GPR39: variants seen among roughly 807,000 people sequenced by gnomAD.
GPR39 encodes zinc sensing receptor.
Under a neutral mutation model 18.4 loss-of-function variants are expected in GPR39, and 23 were observed. The observed-to-expected ratio is 1.25, with a 90% CI of 0.90 to 1.77. GPR39 has a LOEUF of 1.77. Among genes scored for constraint, GPR39 ranks in the 40% most tolerant of loss-of-function variants. GPR39 has a pLI of 0.00. For synonymous variants in GPR39, 280 were observed against 257.9 expected, an observed-to-expected ratio of 1.09 and a Z score of -0.82; for missense variants, 647 against 602.4, an observed-to-expected ratio of 1.07 and a Z score of -0.78.
intron 1 of GPR39, among the ~76,000 whole-genome samples, chr2:132,460,170 C>T (rs1487165845): frequency 6.6e-6 from 1 of 152,140 alleles, no homozygotes; most frequent in Non-Finnish European, 1.5e-5. Flanking sequence ...ACCCTTGCTC[C>T]CAGACTCCTA....
At chr2:132,541,756 T>C (rs976175165) in intron 1 of GPR39, among the ~76,000 whole-genome samples, 3 of 152,172 alleles carry the variant, frequency 2.0e-5, no homozygotes, top group African/African-American at 7.2e-5. Flanking sequence ...CATCCTGGGC[T>C]TTGGTGACAT....
chr2:132,534,768 T>G (rs1679717515), intron 1 of GPR39, among the ~76,000 whole-genome samples: 1 of 151,624 alleles, frequency 6.6e-6, no homozygotes, highest in South Asian at 2.1e-4. Flanking sequence ...ATTTTCTCAC[T>G]CATAGGTGGG....
chr2:132,448,856 G>T (rs932956466), intron 1 of GPR39, among the ~76,000 whole-genome samples: 10 of 152,228 alleles, frequency 6.6e-5, no homozygotes, highest in Admixed American at 6.5e-4. Context: ...TCTGAAATTG[G>T]TTTTTCTCCC....
intron 1 of GPR39, among the ~76,000 whole-genome samples, chr2:132,624,801 G>A (rs925289674): frequency 7.9e-5 from 12 of 152,312 alleles, no homozygotes; most frequent in East Asian, 7.7e-4. Context: ...ATGTCGTTGC[G>A]TGAATATTCC....
chr2:132,567,319 CA>C (rs201042697), intron 1 of GPR39, among the ~76,000 whole-genome samples: 110 of 150,196 alleles, frequency 7.3e-4, no homozygotes, highest in Middle Eastern at 3.4e-3. Flanking sequence ...GAGACAGTCT[CA>C]AAAAAAAAGT....
chr2:132,493,225 A>ATG (rs1387020847), intron 1 of GPR39, among the ~76,000 whole-genome samples: 7 of 145,196 alleles, frequency 4.8e-5, no homozygotes, highest in African/African-American at 1.5e-4. Flanking sequence ...TACACCATAT[A>ATG]TACACCATAT....
intron 1 of GPR39, among the ~76,000 whole-genome samples, chr2:132,505,008 T>C: frequency 6.6e-6 from 1 of 152,236 alleles, no homozygotes; most frequent in East Asian, 1.9e-4. Flanking sequence ...TGCTAATAAA[T>C]AGGCATGTGC....
At position 132,541,029 on chromosome 2, in the gene GPR39, C is replaced by T. The variant is rs532793123; in HGVS notation, c.857-104072C>T. On this transcript the variant is annotated intron_variant, in intron 1 of 1. Transcript: ENST00000329321. ...CCTGCCTCTCATCTTGCCCAGGTTC[C>T]CTTTCCCTCTGGGAACTGAGGCCAG... 2.0e-5 allele frequency among the ~76,000 whole-genome samples: 3 copies of T among 152,150 alleles called. No homozygotes were observed. The South Asian group carries it at 6.3e-4, about 32-fold the overall frequency.
At chr2:132,421,467 GTTA>G (rs1680007295) in intron 1 of GPR39, among the ~76,000 whole-genome samples, 1 of 152,154 alleles carries the variant, frequency 6.6e-6, no homozygotes, top group African/African-American at 2.4e-5. Context: ...CAGTCATGAG[GTTA>G]TTAAATAAAA....
intron 1 of GPR39, among the ~76,000 whole-genome samples, chr2:132,506,696 A>C (rs951413529): frequency 5.9e-5 from 9 of 152,174 alleles, no homozygotes; most frequent in Admixed American, 2.0e-4. Flanking sequence ...CACTATCACA[A>C]GAACAGCATG....
At chr2:132,506,883 T>C (rs1235672465) in intron 1 of GPR39, among the ~76,000 whole-genome samples, 2 of 150,830 alleles carry the variant, frequency 1.3e-5, no homozygotes, top group African/African-American at 4.9e-5. Flanking sequence ...TTTTTTTTTC[T>C]AGCAGGAGAA....
intron 1 of GPR39, among the ~76,000 whole-genome samples, chr2:132,615,933 GCT>G (rs1681326680): frequency 1.7e-5 from 2 of 114,360 alleles, no homozygotes; most frequent in South Asian, 2.7e-4. Flanking sequence ...CCCCATTCCA[GCT>G]CTTTTTTTTT....
chr2:132,602,786 A>G (rs1431152336), intron 1 of GPR39, among the ~76,000 whole-genome samples: 1 of 151,914 alleles, frequency 6.6e-6, no homozygotes, highest in Non-Finnish European at 1.5e-5. Flanking sequence ...ATATGAAAAA[A>G]ATTCAACATC....
At chr2:132,572,268 C>T (rs1394390657) in intron 1 of GPR39, among the ~76,000 whole-genome samples, 3 of 152,228 alleles carry the variant, frequency 2.0e-5, no homozygotes, top group African/African-American at 7.2e-5. Context: ...GTTATCAGAC[C>T]CCAAAGTCAT....
intron 1 of GPR39, among the ~76,000 whole-genome samples, chr2:132,611,555 G>T (rs1484057817): frequency 1.3e-5 from 2 of 151,782 alleles, no homozygotes; most frequent in Admixed American, 1.3e-4. Flanking sequence ...TCCATTGCTT[G>T]TGGTTGTTAT....
At position 132,645,444 on chromosome 2, in the gene GPR39, C is replaced by T. The variant is rs764563761; in HGVS notation, c.1200C>T (p.Ser400=). The change falls in exon 2 of 2, where the codon TCC becomes TCT. Residue 400 remains serine, a synonymous_variant. Transcript: ENST00000329321. The part of the protein sequence containing the change: ...RPLLFASRRQ[S]SARRTEKIFL... Reference sequence around the variant, plus strand: ...TGCTCTTCGCGTCCCGGCGCCAGTCCTCTGCAAGGAGAACTGAGAAGATTT... The same window carrying T: ...TGCTCTTCGCGTCCCGGCGCCAGTCTTCTGCAAGGAGAACTGAGAAGATTT... 3.7e-6 allele frequency: 6 copies of T among 1,613,662 alleles called. No homozygotes were observed. The highest frequency in any genetic ancestry group is 2.7e-5 in the African/African-American group (2 of 74,924).
intron 1 of GPR39, among the ~76,000 whole-genome samples, chr2:132,537,803 G>A (rs1030790232): frequency 6.6e-6 from 1 of 151,616 alleles, no homozygotes; most frequent in African/African-American, 2.4e-5. Flanking sequence ...ATGGTCTTCA[G>A]ATTCTGATAT....
chr2:132,437,203 A>G (rs1033823190), intron 1 of GPR39, among the ~76,000 whole-genome samples: 2 of 152,242 alleles, frequency 1.3e-5, no homozygotes, highest in African/African-American at 2.4e-5. Flanking sequence ...CAGAGCAAAC[A>G]AAAGTTTCAC....
At chr2:132,504,396 C>A (rs2104752983) in intron 1 of GPR39, among the ~76,000 whole-genome samples, 1 of 152,286 alleles carries the variant, frequency 6.6e-6, no homozygotes, top group South Asian at 2.1e-4. Flanking sequence ...CAAGCCACTG[C>A]CAAAAGGTGG....
Sources: gnomAD v4.1 joint callset for allele counts (sites outside exome capture counted in the v4.1 genomes callset) on GRCh38, gnomAD v4.1.1 for gene constraint, MANE v1.5 for transcripts, NCBI Gene and HGNC (gene_info 2026-07-23, HGNC 2026-07-21) for gene names.